Variants in NSMCE2 observed in about 807,000 individuals in gnomAD.
NSMCE2 encodes NSE2 SUMO ligase component of SMC5/6 complex, also known as E3 SUMO-protein ligase NSE2.
A neutral mutation model predicts 23.8 loss-of-function variants in NSMCE2; 24 were observed. The observed-to-expected ratio is 1.01, with a 90% confidence interval of 0.73 to 1.42. The LOEUF is 1.42. NSMCE2 is among the 40% of genes most tolerant of loss of function. NSMCE2 has a pLI of 0.00. For synonymous variants in NSMCE2, 92 were observed against 94.1 expected, an observed-to-expected ratio of 0.98 and a Z score of 0.13; for missense variants, 284 against 296.5, an observed-to-expected ratio of 0.96 and a Z score of 0.31.
chr8:125,298,920 A>G (rs891473730), intron 5 of NSMCE2, among the ~76,000 whole-genome samples: 1 of 152,030 alleles, frequency 6.6e-6, no homozygotes, highest in African/African-American at 2.4e-5. Flanking sequence ...TCTGATTTCA[A>G]AGTCCCATAG....
intron 5 of NSMCE2, among the ~76,000 whole-genome samples, chr8:125,355,358 A>C (rs146644387): frequency 1.7e-3 from 261 of 152,300 alleles, no homozygotes; most frequent in African/African-American, 5.5e-3. Context: ...GGGAAAGGGA[A>C]AGGAGAAGGA....
At position 125,318,689 on chromosome 8, in the gene NSMCE2, A is replaced by C. The variant is rs564421559; in HGVS notation, c.419-38530A>C. ...TAACAGAGAAAAAAAAAGAAAACAA[A>C]ATCTGTGAAACAACCACGGCACTCA... On this transcript the variant is annotated intron_variant, in intron 5 of 7. Coordinates refer to ENST00000287437, the MANE Select transcript of NSMCE2 (RefSeq NM_173685.4). Among the ~76,000 whole-genome samples, 7 of 152,308 alleles carry C rather than the reference A, an allele frequency of 4.6e-5. No homozygotes were observed. The East Asian group carries it at 1.3e-3, about 29-fold the overall frequency.
intron 3 of NSMCE2, among the ~76,000 whole-genome samples, chr8:125,117,154 G>C (rs1367232789): frequency 2.0e-5 from 3 of 152,024 alleles, no homozygotes; most frequent in Non-Finnish European, 4.4e-5. Context: ...GACTTGCAGT[G>C]GTGTCTATTA....
chr8:125,143,561 G>T (rs1322473810), intron 3 of NSMCE2, among the ~76,000 whole-genome samples: 2 of 152,094 alleles, frequency 1.3e-5, no homozygotes, highest in Non-Finnish European at 2.9e-5. Context: ...TGTCTACTTT[G>T]TCTTAGCCTG....
At chr8:125,202,043 G>T (rs986709701) in intron 5 of NSMCE2, among the ~76,000 whole-genome samples, 10 of 152,222 alleles carry the variant, frequency 6.6e-5, no homozygotes, top group Non-Finnish European at 1.3e-4. Context: ...AGAATCTCCT[G>T]GTCTGTTGGT....
At chr8:125,248,843 T>G (rs1826095039) in intron 5 of NSMCE2, among the ~76,000 whole-genome samples, 1 of 152,208 alleles carries the variant, frequency 6.6e-6, no homozygotes, top group African/African-American at 2.4e-5. Flanking sequence ...AGGATCATAG[T>G]AGCTTGCCCT....
chr8:125,234,817 A>G (rs1825474283), intron 5 of NSMCE2, among the ~76,000 whole-genome samples: 1 of 152,058 alleles, frequency 6.6e-6, no homozygotes, highest in Non-Finnish European at 1.5e-5. Flanking sequence ...TTCAGATACC[A>G]TTTTTATTTC....
At chr8:125,328,151 C>CT (rs34667555) in intron 5 of NSMCE2, among the ~76,000 whole-genome samples, 13,199 of 141,588 alleles carry the variant, frequency 0.093, 1,220 homozygotes, top group African/African-American at 0.24. Context: ...TCTCACTGGC[C>CT]TTTTTTTTTT....
At chr8:125,183,994 C>G (rs1822956288) in intron 5 of NSMCE2, among the ~76,000 whole-genome samples, 1 of 150,446 alleles carries the variant, frequency 6.6e-6, no homozygotes, top group South Asian at 2.1e-4. Flanking sequence ...AGTTTTTTGT[C>G]AAATAAATAG....
chr8:125,184,431 T>G (rs1822994225), intron 5 of NSMCE2, among the ~76,000 whole-genome samples: 1 of 152,136 alleles, frequency 6.6e-6, no homozygotes. Flanking sequence ...GGATAGACAG[T>G]CAAACCTTAT....
intron 3 of NSMCE2, among the ~76,000 whole-genome samples, chr8:125,122,845 G>GTTTC (rs1819335967): frequency 1.3e-5 from 2 of 152,032 alleles, no homozygotes; most frequent in African/African-American, 4.8e-5. Flanking sequence ...ATAATATCCT[G>GTTTC]TTTCCCAGCC....
At chr8:125,093,001 C>T (rs182104147) in intron 1 of NSMCE2, among the ~76,000 whole-genome samples, 18 of 152,308 alleles carry the variant, frequency 1.2e-4, no homozygotes, top group Non-Finnish European at 2.2e-4. Context: ...TGCTAAATGT[C>T]CCCTTGCGAG....
intron 5 of NSMCE2, among the ~76,000 whole-genome samples, chr8:125,267,789 C>T (rs776282705): frequency 2.6e-5 from 4 of 151,960 alleles, no homozygotes; most frequent in Admixed American, 1.3e-4. Flanking sequence ...AAATAGTAAT[C>T]GGTACTTTAT....
intron 5 of NSMCE2, among the ~76,000 whole-genome samples, chr8:125,240,369 C>T (rs368504662): frequency 5.8e-4 from 88 of 152,270 alleles, no homozygotes; most frequent in African/African-American, 1.7e-3. Context: ...GTGATCAGCC[C>T]GCCTTGGCCT....
At chr8:125,342,988 T>A (rs1041173272) in intron 5 of NSMCE2, among the ~76,000 whole-genome samples, 1 of 152,174 alleles carries the variant, frequency 6.6e-6, no homozygotes, top group Non-Finnish European at 1.5e-5. Flanking sequence ...ACTTTTTTTT[T>A]AAACGAGTAT....
intron 5 of NSMCE2, among the ~76,000 whole-genome samples, chr8:125,216,102 C>A (rs948502332): frequency 3.3e-5 from 5 of 152,218 alleles, no homozygotes; most frequent in Non-Finnish European, 2.9e-5. Context: ...TGGCATATTT[C>A]ACTTCCCACA....
chr8:125,130,231 A>G (rs989510392), intron 3 of NSMCE2: 1 of 455,868 alleles, frequency 2.2e-6, no homozygotes, highest in Non-Finnish European at 4.4e-6. Context: ...GAAGAAGAGC[A>G]CAGAGGTCAA....
chr8:125,298,806 A>T (rs1828438615), intron 5 of NSMCE2, among the ~76,000 whole-genome samples: 1 of 151,758 alleles, frequency 6.6e-6, no homozygotes, highest in South Asian at 2.1e-4. Context: ...ATTGGTTCAG[A>T]ATAAGCAGGG....
At chr8:125,124,063 A>G (rs1184799295) in intron 3 of NSMCE2, 2 of 152,022 alleles carry the variant, frequency 1.3e-5, no homozygotes, top group Non-Finnish European at 2.9e-5. Context: ...TCCCATTCTC[A>G]CTATTCCTAA....
Sources: gnomAD v4.1 joint callset for allele counts (sites outside exome capture counted in the v4.1 genomes callset) on GRCh38, gnomAD v4.1.1 for gene constraint, MANE v1.5 for transcripts, NCBI Gene and HGNC (gene_info 2026-07-23, HGNC 2026-07-21) for gene names.